Variants in SAMD4A observed in about 807,000 individuals in gnomAD.
SAMD4A encodes the protein protein Smaug homolog 1.
Under a neutral mutation model 81.3 loss-of-function variants are expected in SAMD4A, and 33 were observed. The ratio of observed to expected loss-of-function variants is 0.41; its 90% CI spans 0.31 to 0.54. SAMD4A has a LOEUF of 0.54. SAMD4A is among the 20% of genes least tolerant of loss of function. The probability of loss-of-function intolerance (pLI) is 0.37; values close to 1 mark genes in which losing one functional copy is unlikely to be tolerated. For synonymous variants in SAMD4A, 389 were observed against 382.1 expected (o/e 1.02, Z -0.21); for missense variants, 854 against 951.1 (o/e 0.90, Z 1.34).
intron 2 of SAMD4A, among the ~76,000 whole-genome samples, chr14:54,679,684 G>C (rs1055797725): frequency 6.6e-6 from 1 of 152,110 alleles, no homozygotes; most frequent in East Asian, 1.9e-4. Context: ...AGACCATTTT[G>C]TGTATTTTTA....
chr14:54,770,586 A>G (rs533204150), intron 9 of SAMD4A, among the ~76,000 whole-genome samples: 1 of 152,126 alleles, frequency 6.6e-6, no homozygotes, highest in Non-Finnish European at 1.5e-5. Flanking sequence ...TGTTCTATCA[A>G]TCAGCACCTT....
At chr14:54,657,843 G>A (rs181709216) in intron 2 of SAMD4A, among the ~76,000 whole-genome samples, 10 of 152,318 alleles carry the variant, frequency 6.6e-5, no homozygotes, top group Admixed American at 6.5e-4. Flanking sequence ...GTTGGGCCTG[G>A]ATAGTCTAAA....
At chr14:54,720,266 A>C (rs1036713371) in intron 3 of SAMD4A, among the ~76,000 whole-genome samples, 1 of 152,068 alleles carries the variant, frequency 6.6e-6, no homozygotes, top group Non-Finnish European at 1.5e-5. Flanking sequence ...TGAAGATATC[A>C]CATTTGATTT....
intron 11 of SAMD4A, among the ~76,000 whole-genome samples, chr14:54,782,493 C>T (rs921120320): frequency 3.3e-5 from 5 of 152,134 alleles, no homozygotes; most frequent in East Asian, 3.9e-4. Context: ...CTAATTGCCC[C>T]GACCCTACTC....
intron 8 of SAMD4A, among the ~76,000 whole-genome samples, chr14:54,768,959 T>C (rs1392371406): frequency 1.3e-5 from 2 of 152,234 alleles, no homozygotes; most frequent in East Asian, 1.9e-4. Flanking sequence ...TTATGGGAAC[T>C]AGTCATTTAG....
chr14:54,711,661 C>T (rs371627508), intron 3 of SAMD4A, among the ~76,000 whole-genome samples: 7 of 151,918 alleles, frequency 4.6e-5, no homozygotes, highest in African/African-American at 1.2e-4. Context: ...TGGAGGGGTT[C>T]GGGGGAGGAC....
At chr14:54,619,540 A>AT (rs954946483) in intron 2 of SAMD4A, among the ~76,000 whole-genome samples, 3 of 152,048 alleles carry the variant, frequency 2.0e-5, no homozygotes, top group East Asian at 1.9e-4. Context: ...TGTTTTAATC[A>AT]TTTTTTTTAA....
At chr14:54,784,224 A>G (rs2236298) in intron 11 of SAMD4A, 32,024 of 760,548 alleles carry the variant, frequency 0.042, 4,002 homozygotes, top group African/African-American at 0.35. Context: ...GCGGGGCCTT[A>G]TGGGCCAGGG....
At chr14:54,749,952 C>A (rs932040993) in intron 5 of SAMD4A, among the ~76,000 whole-genome samples, 1 of 152,176 alleles carries the variant, frequency 6.6e-6, no homozygotes, top group African/African-American at 2.4e-5. Context: ...TGGCGGACTC[C>A]CAATATGGAG....
At chr14:54,718,553 T>TG (rs1387192883) in intron 3 of SAMD4A, among the ~76,000 whole-genome samples, 3 of 151,462 alleles carry the variant, frequency 2.0e-5, no homozygotes, top group African/African-American at 7.3e-5. Flanking sequence ...TTTTTGGGTT[T>TG]TTTGTTGTTG....
At chr14:54,643,342 C>T (rs2035215950) in intron 2 of SAMD4A, among the ~76,000 whole-genome samples, 1 of 152,248 alleles carries the variant, frequency 6.6e-6, no homozygotes, top group Non-Finnish European at 1.5e-5. Flanking sequence ...TTCTCCTCCA[C>T]CCAGTTGTTG....
intron 2 of SAMD4A, among the ~76,000 whole-genome samples, chr14:54,698,825 C>G (rs1325313447): frequency 6.6e-6 from 1 of 152,192 alleles, no homozygotes; most frequent in African/African-American, 2.4e-5. Flanking sequence ...TATGCTTGTT[C>G]CTCCTCTGAA....
intron 2 of SAMD4A, among the ~76,000 whole-genome samples, chr14:54,623,483 C>CAAAAAAAAAAAAAAAAAA (rs59768858): frequency 1.3e-4 from 6 of 45,952 alleles, no homozygotes; most frequent in Non-Finnish European, 1.6e-4. Flanking sequence ...TGGACATCAG[C>CAAAAAAAAAAAAAAAAAA]AAAAAAAAAA....
chr14:54,757,861 G>A (rs2038287650), intron 6 of SAMD4A, among the ~76,000 whole-genome samples: 1 of 152,216 alleles, frequency 6.6e-6, no homozygotes, highest in Non-Finnish European at 1.5e-5. Context: ...TTAGCACGCA[G>A]TCTGATCAGA....
chr14:54,675,262 A>C (rs1444467433), intron 2 of SAMD4A, among the ~76,000 whole-genome samples: 1 of 150,722 alleles, frequency 6.6e-6, no homozygotes, highest in Non-Finnish European at 1.5e-5. Context: ...GTTACTCAGG[A>C]GGCTGAGGCA....
At position 54,567,795 on chromosome 14, in the gene SAMD4A, G is replaced by C; in HGVS notation, c.-122G>C. The C allele has an allele frequency of 9.7e-7, 1 of 1,030,458 alleles. No homozygotes were observed. Among genetic ancestry groups the C allele is most frequent in the Non-Finnish European group, 1.4e-6 (1 of 724,386 alleles). 63.8% of individuals were successfully genotyped at this position (1,030,458 alleles called of 1,614,324 possible). On this transcript the variant is annotated 5_prime_UTR_variant, in exon 2 of 13. Transcript: ENST00000554335. ...CAGTACCTGCAGCGTCCGGGCACCA[G>C]AGCCACCTTGGAACAGGAACGCGTC... is the stretch of plus-strand genomic sequence containing the variant.
rs1594671148 is a variant in SAMD4A at position 54,567,835 on chromosome 14, T to C, written c.-82T>C. 19 of 1,417,676 alleles carry C rather than the reference T, an allele frequency of 1.3e-5. No individual in the cohort carries two copies. The highest frequency in any genetic ancestry group is 1.2e-5 in the South Asian group (1 of 81,034). 87.8% of individuals were successfully genotyped at this position (1,417,676 alleles called of 1,614,324 possible). ...AGGAACGCGTCTCCGGCCGCGGGGC[T>C]GCGGCTCCGCCAAACTTTGGGGCGG... On this transcript the variant is annotated 5_prime_UTR_variant, in exon 2 of 13. Transcript: ENST00000554335.
chr14:54,751,355 A>C (rs2038097481), intron 5 of SAMD4A, 96 bp from the exon 6 acceptor site: 4 of 773,306 alleles, frequency 5.2e-6, no homozygotes, highest in Non-Finnish European at 8.6e-6. Flanking sequence ...ATATAGGAGC[A>C]AAGAAGACAG....
At chr14:54,647,919 G>A (rs1022562520) in intron 2 of SAMD4A, among the ~76,000 whole-genome samples, 1 of 152,244 alleles carries the variant, frequency 6.6e-6, no homozygotes, top group African/African-American at 2.4e-5. Context: ...TGTATAAAAT[G>A]TTGAGTTGAT....
Sources: gnomAD v4.1 joint callset for allele counts (sites outside exome capture counted in the v4.1 genomes callset) on GRCh38, gnomAD v4.1.1 for gene constraint, MANE v1.5 for transcripts, NCBI Gene and HGNC (gene_info 2026-07-23, HGNC 2026-07-21) for gene names.